The following AREL1 variants were observed in gnomAD, a reference collection of about 807,000 sequenced individuals.
The protein encoded by AREL1 is apoptosis-resistant E3 ubiquitin protein ligase 1.
A neutral mutation model predicts 99.0 loss-of-function variants in AREL1; 62 were observed. The ratio of observed to expected loss-of-function variants is 0.63; its 90% CI spans 0.51 to 0.77. The LOEUF (loss-of-function observed/expected upper bound fraction) is 0.77. Ranked by LOEUF, AREL1 falls within the 30% of genes least tolerant of loss-of-function variation. AREL1 has a pLI of 0.00. For synonymous variants in AREL1, 380 were observed against 376.5 expected, an observed-to-expected ratio of 1.01 and a Z score of -0.11; for missense variants, 879 against 1,027.6, an observed-to-expected ratio of 0.86 and a Z score of 1.98.
At chr14:74,676,518 G>A in intron 6 of AREL1, 65 bp downstream of exon 6, 3 of 1,538,600 alleles carry the variant, frequency 1.9e-6, no homozygotes, top group Non-Finnish European at 2.7e-6. Flanking sequence ...TGAATTAGGT[G>A]TGAGAATAAC....
Position 74,661,498 on chromosome 14 carries a change from G to A in AREL1, c.*2222C>T. 2 of 283,760 alleles carry A rather than the reference G, an allele frequency of 7.0e-6. No individual in the cohort carries two copies. The highest frequency in any genetic ancestry group is 2.9e-5 in the South Asian group (1 of 34,360). The allele number at this position is 283,760 out of a possible 1,614,324, so 17.6% of individuals were successfully genotyped here. On this transcript the variant is annotated 3_prime_UTR_variant, in exon 20 of 20. Coordinates refer to ENST00000356357, the MANE Select transcript of AREL1 (RefSeq NM_001039479.2). ...CACAAGGACATAAATAAAAGAACTG[G>A]CCAAAATAAGAAACACTAATAGAAA... is the stretch of plus-strand genomic sequence containing the variant.
chr14:74,679,114 G>A (rs755280699), intron 5 of AREL1, among the ~76,000 whole-genome samples: 7 of 152,152 alleles, frequency 4.6e-5, no homozygotes, highest in African/African-American at 9.7e-5. Context: ...TGCCCAGGCC[G>A]GTCTTGAACT....
rs1189369508 is a variant in AREL1 at position 74,665,309 on chromosome 14, G to A, written c.2104-384C>T. Among the ~76,000 whole-genome samples, 7 of 145,030 alleles carry A rather than the reference G, an allele frequency of 4.8e-5. No individual in the cohort carries two copies. In the East Asian group the frequency reaches 8.0e-4, roughly 17 times the overall value. ...TTTTGAGACGGAGTCTCACTGTCTC[G>A]GCTCACTGCAACCTCCACCTCTCCA... is the stretch of plus-strand genomic sequence containing the variant. On this transcript the variant is annotated intron_variant, in intron 17 of 19. Transcript: ENST00000356357.
Position 74,669,596 on chromosome 14 carries a change from C to A in AREL1, c.1914+53G>T, listed in dbSNP as rs1026852265. On this transcript the variant is annotated intron_variant, in intron 15 of 19. Transcript: ENST00000356357. ...CAGAAAGTTCTCTTAGACAGTCCTGCTCTACAGGAAACTGGAGAACATAGG... is the reference window on the plus strand; with the variant it reads ...CAGAAAGTTCTCTTAGACAGTCCTGATCTACAGGAAACTGGAGAACATAGG... 5 of 1,590,918 alleles carry A rather than the reference C, an allele frequency of 3.1e-6. No homozygotes were observed. The African/African-American group carries it at 6.8e-5, about 22-fold the overall frequency.
Position 74,712,074 on chromosome 14 carries a change from AAAAG to A in AREL1, c.-334+855_-334+858del, listed in dbSNP as rs68150668. 2.4e-3 allele frequency: 287 copies of A among 120,238 alleles called. 1 individual carries two copies. Among genetic ancestry groups the A allele is most frequent in the African/African-American group, 7.4e-3 (256 of 34,570 alleles). 7.4% of individuals were successfully genotyped at this position (120,238 alleles called of 1,614,324 possible). On this transcript the variant is annotated intron_variant, in intron 1 of 19. Coordinates refer to ENST00000356357, the MANE Select transcript of AREL1 (RefSeq NM_001039479.2). ...AAAAAAAAAAAAAAAAAAAGAAAAA[AAAAG>A]AAAGAAAGAAAGAAAGAAAAAGAAA...
At chr14:74,681,043 G>A (rs540727291) in intron 5 of AREL1, among the ~76,000 whole-genome samples, 7 of 152,160 alleles carry the variant, frequency 4.6e-5, no homozygotes, top group African/African-American at 1.2e-4. Context: ...AAAATTAACC[G>A]AGCGTGGTGG....
In AREL1 at chr14:74,685,461, A is replaced by C. The variant is rs2089727409; in HGVS notation, c.16+139T>G. The C allele has an allele frequency of 3.1e-6, 3 of 969,850 alleles. No individual in the cohort carries two copies. In the South Asian group the frequency reaches 4.6e-5, roughly 15 times the overall value. The allele number at this position is 969,850 out of a possible 1,614,324, so 60.1% of individuals were successfully genotyped here. Reference sequence around the variant, plus strand: ...CCCAAATGAATGAATTCCAATGCCAACTCTGTGAAGGTACATTCTGGCACG... The same window carrying C: ...CCCAAATGAATGAATTCCAATGCCACCTCTGTGAAGGTACATTCTGGCACG... On this transcript the variant is annotated intron_variant, in intron 3 of 19. Coordinates refer to ENST00000356357, the MANE Select transcript of AREL1 (RefSeq NM_001039479.2).
At chr14:74,701,523 T>G (rs2090085756) in intron 1 of AREL1, 1 of 152,178 alleles carries the variant, frequency 6.6e-6, no homozygotes, top group Non-Finnish European at 1.5e-5. Context: ...TGTGGGAAAC[T>G]GCCTCCGTGA....
intron 11 of AREL1, 92 bp from the exon 12 acceptor site, chr14:74,671,575 T>C: frequency 1.3e-6 from 1 of 779,576 alleles, no homozygotes; most frequent in South Asian, 1.8e-5. Flanking sequence ...CATTGTCTGC[T>C]GGACTAACTA....
chr14:74,711,188 G>A (rs1172695660), intron 1 of AREL1, among the ~76,000 whole-genome samples: 9 of 146,672 alleles, frequency 6.1e-5, no homozygotes, highest in Middle Eastern at 3.7e-3. Context: ...CCGAGATTGC[G>A]CCATTGCACT....
At chr14:74,684,804 G>C in intron 3 of AREL1, 124 bp from the exon 4 acceptor site, 1 of 803,144 alleles carries the variant, frequency 1.2e-6, no homozygotes, top group African/African-American at 1.7e-5. Context: ...GACTGCCAAA[G>C]AAACACTGCA....
intron 1 of AREL1, among the ~76,000 whole-genome samples, chr14:74,707,562 C>A (rs2090204993): frequency 6.6e-6 from 1 of 151,722 alleles, no homozygotes; most frequent in Admixed American, 6.6e-5. Context: ...TTGGGAGGCC[C>A]AGGCAGGTGG....
intron 11 of AREL1, among the ~76,000 whole-genome samples, chr14:74,672,441 G>A (rs1391534584): frequency 6.6e-6 from 1 of 152,106 alleles, no homozygotes; most frequent in Non-Finnish European, 1.5e-5. Flanking sequence ...TAAGTTTCAT[G>A]AAAAAGATAA....
intron 18 of AREL1, among the ~76,000 whole-genome samples, chr14:74,664,435 CTTCTT>C (rs2089162177): frequency 7.1e-6 from 1 of 140,944 alleles, no homozygotes; most frequent in Non-Finnish European, 1.5e-5. Flanking sequence ...CTACTTTTTT[CTTCTT>C]TTCCTTTCTT....
chr14:74,690,537 G>T (rs964621410), intron 2 of AREL1, among the ~76,000 whole-genome samples: 7 of 152,176 alleles, frequency 4.6e-5, no homozygotes, highest in Non-Finnish European at 7.3e-5. Context: ...CACCACTGGG[G>T]TTGCAGATTC....
chr14:74,670,431 C>T (rs2089308513), intron 13 of AREL1, among the ~76,000 whole-genome samples: 1 of 152,108 alleles, frequency 6.6e-6, no homozygotes, highest in Non-Finnish European at 1.5e-5. Context: ...CTCCTGACAC[C>T]TTTGTCTAGA....
chr14:74,707,792 C>CAA (rs35181427), intron 1 of AREL1, among the ~76,000 whole-genome samples: 60 of 104,596 alleles, frequency 5.7e-4, no homozygotes, highest in East Asian at 1.1e-3. Context: ...AGATTCGTCT[C>CAA]AAAAAAAAAA....
chr14:74,709,631 A>G (rs923434578), intron 1 of AREL1, among the ~76,000 whole-genome samples: 3 of 152,246 alleles, frequency 2.0e-5, no homozygotes, highest in African/African-American at 7.2e-5. Flanking sequence ...AGACCTCAGA[A>G]GCAGAACATG....
chr14:74,685,813 GTATAA>G (rs1428959937), intron 2 of AREL1, among the ~76,000 whole-genome samples, 153 bp from the exon 3 acceptor site: 2 of 152,178 alleles, frequency 1.3e-5, no homozygotes, highest in Admixed American at 6.5e-5. Context: ...GACAGGTGCC[GTATAA>G]TATATTTCAG....
Sources: gnomAD v4.1 joint callset for allele counts (sites outside exome capture counted in the v4.1 genomes callset) on GRCh38, gnomAD v4.1.1 for gene constraint, MANE v1.5 for transcripts, NCBI Gene and HGNC (gene_info 2026-07-23, HGNC 2026-07-21) for gene names.